The following LNX1 variants were observed in gnomAD, a reference collection of about 807,000 sequenced individuals.
The protein encoded by LNX1 is E3 ubiquitin-protein ligase LNX.
In LNX1, 54 loss-of-function variants were observed where a neutral mutation model predicts 68.4. That is an observed-to-expected ratio of 0.79 (90% CI 0.63 to 0.99). LNX1 has a LOEUF of 0.99. Ranked by LOEUF, LNX1 falls within the 50% of genes least tolerant of loss-of-function variation. LNX1 has a pLI of 0.00. For missense variants in LNX1, 906 were observed against 926.4 expected (o/e 0.98, Z 0.29); for synonymous variants, 336 against 350.0 (o/e 0.96, Z 0.45).
chr4:53,496,411 C>A lies in LNX1; in HGVS notation c.979-17G>T. ...CCCGTTGACCTGGGGGCAGGTGGAACAATCGTGCGGTCAGCTCCACCTGCC... is the reference window on the plus strand; with the variant it reads ...CCCGTTGACCTGGGGGCAGGTGGAAAAATCGTGCGGTCAGCTCCACCTGCC... On this transcript the variant is annotated splice_polypyrimidine_tract_variant and intron_variant, in intron 5 of 10. Transcript: ENST00000263925. 6.4e-7 allele frequency: 1 copy of A among 1,570,048 alleles called. No homozygotes were observed. Among genetic ancestry groups the A allele is most frequent in the Non-Finnish European group, 8.6e-7 (1 of 1,158,724 alleles).
rs1205829918 is a variant in LNX1 at position 53,566,255 on chromosome 4, C to T, written c.380+7368G>A. 2.0e-5 allele frequency among the ~76,000 whole-genome samples: 3 copies of T among 151,152 alleles called. No homozygotes were observed. In the South Asian group the frequency reaches 6.3e-4, roughly 31 times the overall value. On this transcript the variant is annotated intron_variant, in intron 2 of 10. Coordinates refer to ENST00000263925, the MANE Select transcript of LNX1 (RefSeq NM_001126328.3). ...GTTAAGGGCAGCCAGAGAGAAAGGT[C>T]GGGTTACCCTCAAAGGGAAGCCCAT...
At chr4:53,479,011 AG>A (rs1429455387) in intron 7 of LNX1, among the ~76,000 whole-genome samples, 1 of 152,232 alleles carries the variant, frequency 6.6e-6, no homozygotes, top group Non-Finnish European at 1.5e-5. Context: ...ACACTTCAAA[AG>A]GAAAGAGTAA....
intron 2 of LNX1, among the ~76,000 whole-genome samples, chr4:53,545,592 A>C (rs914632633): frequency 6.6e-6 from 1 of 152,094 alleles, no homozygotes; most frequent in Admixed American, 6.5e-5. Context: ...ATCACCATTA[A>C]TTTCTCATCT....
intron 2 of LNX1, among the ~76,000 whole-genome samples, chr4:53,570,629 T>A (rs1021339879): frequency 6.6e-6 from 1 of 151,148 alleles, no homozygotes; most frequent in Non-Finnish European, 1.5e-5. Context: ...CTAACCTGCG[T>A]AATGTGCACA....
chr4:53,558,796 A>G (rs1484739467), intron 2 of LNX1, among the ~76,000 whole-genome samples: 5 of 152,182 alleles, frequency 3.3e-5, no homozygotes, highest in Non-Finnish European at 7.3e-5. Context: ...CACTTGTTTC[A>G]TTTAAGCTCT....
At chr4:53,616,965 C>T (rs2668554) in intron 1 of LNX1, among the ~76,000 whole-genome samples, 63,567 of 151,938 alleles carry the variant, frequency 0.42, 13,300 homozygotes, top group Admixed American at 0.45. Context: ...CCATAAGCTA[C>T]AATCGTCAAA....
chr4:53,588,635 A>G, intron 1 of LNX1, among the ~76,000 whole-genome samples: 1 of 152,156 alleles, frequency 6.6e-6, no homozygotes, highest in East Asian at 1.9e-4. Flanking sequence ...ACCTTGCTTC[A>G]GTTGTAAGGA....
At chr4:53,576,478 G>C (rs1331618128) in intron 1 of LNX1, 2 of 1,319,916 alleles carry the variant, frequency 1.5e-6, no homozygotes, top group African/African-American at 2.9e-5. Context: ...GGACAGCCCT[G>C]CCCTTCCCAT....
intron 2 of LNX1, among the ~76,000 whole-genome samples, chr4:53,565,471 G>A (rs1222134497): frequency 6.7e-6 from 1 of 149,958 alleles, no homozygotes; most frequent in Admixed American, 6.6e-5. Flanking sequence ...CAAACAGAAA[G>A]GACATCCACA....
At chr4:53,481,081 G>C (rs896404160) in intron 7 of LNX1, among the ~76,000 whole-genome samples, 22 of 152,208 alleles carry the variant, frequency 1.4e-4, no homozygotes, top group Non-Finnish European at 1.5e-5. Flanking sequence ...AAGCCACAGA[G>C]AGAAGTACAA....
intron 2 of LNX1, among the ~76,000 whole-genome samples, chr4:53,521,893 G>A (rs1236891143): frequency 6.6e-6 from 1 of 152,086 alleles, no homozygotes; most frequent in African/African-American, 2.4e-5. Context: ...TCAAACTCCT[G>A]GGCTCAAGGG....
chr4:53,589,657 G>C (rs978214997), intron 1 of LNX1, among the ~76,000 whole-genome samples: 10 of 152,228 alleles, frequency 6.6e-5, no homozygotes, highest in Non-Finnish European at 5.9e-5. Context: ...AGTCAGAGAA[G>C]TAACTTGCTC....
At chr4:53,480,454 A>G (rs1366558855) in intron 7 of LNX1, among the ~76,000 whole-genome samples, 1 of 152,246 alleles carries the variant, frequency 6.6e-6, no homozygotes, top group South Asian at 2.1e-4. Flanking sequence ...TAATTCAACT[A>G]AAATTAGTTA....
intron 9 of LNX1, among the ~76,000 whole-genome samples, chr4:53,472,689 A>G (rs923200125): frequency 7.3e-6 from 1 of 137,052 alleles, no homozygotes; most frequent in African/African-American, 2.7e-5. Flanking sequence ...CAACAACAAA[A>G]AAAAAAAAAA....
chr4:53,530,934 C>T (rs1219194023), intron 2 of LNX1, among the ~76,000 whole-genome samples: 3 of 152,094 alleles, frequency 2.0e-5, no homozygotes, highest in Non-Finnish European at 2.9e-5. Flanking sequence ...GAGGCTTAGG[C>T]AGGAGGTATT....
intron 2 of LNX1, among the ~76,000 whole-genome samples, chr4:53,608,997 C>A (rs1733356171): frequency 6.6e-6 from 1 of 151,964 alleles, no homozygotes; most frequent in Non-Finnish European, 1.5e-5. Flanking sequence ...TCAGAATACC[C>A]AACTTCAAAC....
intron 2 of LNX1, among the ~76,000 whole-genome samples, chr4:53,615,571 G>T (rs1733653503): frequency 6.6e-6 from 1 of 152,160 alleles, no homozygotes; most frequent in Non-Finnish European, 1.5e-5. Context: ...TCTAGCTAAA[G>T]GCAGCTGAAT....
intron 2 of LNX1, among the ~76,000 whole-genome samples, chr4:53,524,780 T>C (rs879015904): frequency 3.9e-5 from 6 of 152,154 alleles, no homozygotes; most frequent in Admixed American, 2.6e-4. Flanking sequence ...AACTGAGGAA[T>C]TTAACATCCA....
chr4:53,570,823 C>T (rs983949003), intron 2 of LNX1, among the ~76,000 whole-genome samples: 20 of 151,058 alleles, frequency 1.3e-4, no homozygotes, highest in African/African-American at 3.9e-4. Flanking sequence ...GTCAGGAGAT[C>T]GAGACCATCC....
Sources: allele counts gnomAD v4.1 joint callset (sites outside exome capture counted in the v4.1 genomes callset), GRCh38; gene constraint gnomAD v4.1.1; transcripts MANE v1.5; gene names NCBI Gene and HGNC (gene_info 2026-07-23, HGNC 2026-07-21).